Variants in OSBPL3 observed in about 807,000 individuals in gnomAD.
OSBPL3 encodes oxysterol binding protein like 3.
In OSBPL3, 65 loss-of-function variants were observed where a neutral mutation model predicts 120.1. That is an observed-to-expected ratio of 0.54 (90% CI 0.44 to 0.67). The LOEUF is 0.67. OSBPL3 is among the 30% of genes least tolerant of loss of function. The pLI is 0.00. For synonymous variants in OSBPL3, 416 were observed against 402.6 expected (o/e 1.03, Z -0.40); for missense variants, 1,004 against 1,082.1 (o/e 0.93, Z 1.01).
chr7:24,810,047 A>G (rs763631212), intron 19 of OSBPL3, 96 bp from the exon 20 acceptor site: 120 of 1,366,044 alleles, frequency 8.8e-5, no homozygotes, highest in Non-Finnish European at 3.7e-5. Context: ...AAGGACTGTA[A>G]GAGTGGCTCC....
intron 12 of OSBPL3, among the ~76,000 whole-genome samples, chr7:24,845,465 G>GTGTA (rs1457040681): frequency 3.0e-4 from 41 of 135,624 alleles, no homozygotes; most frequent in African/African-American, 1.2e-3. Flanking sequence ...GTGTGTATGT[G>GTGTA]TGTGTGTGTG....
chr7:24,958,732 A>C (rs1184602064), intron 1 of OSBPL3, among the ~76,000 whole-genome samples: 1 of 152,178 alleles, frequency 6.6e-6, no homozygotes, highest in Non-Finnish European at 1.5e-5. Context: ...CACTCAATTA[A>C]TGTGGCATGG....
chr7:24,881,690 T>G lies in OSBPL3; in HGVS notation c.97-9621A>C, dbSNP rs958995868. Among the ~76,000 whole-genome samples the G allele has an allele frequency of 1.3e-5, 2 of 152,180 alleles. No homozygotes were observed. Among genetic ancestry groups the G allele is most frequent in the African/African-American group, 4.8e-5 (2 of 41,440 alleles). On this transcript the variant is annotated intron_variant, in intron 2 of 22. Transcript: ENST00000313367. This position sits in a 1 kb window ranked among gnomAD's most constrained non-coding sequence, Gnocchi z 4.3. Reference sequence around the variant, plus strand: ...GGTGTCTTAGATTCCTGAGGCCAACTTGATGAGCAGTCACAAACTTTGGTG... The same window carrying G: ...GGTGTCTTAGATTCCTGAGGCCAACGTGATGAGCAGTCACAAACTTTGGTG...
intron 2 of OSBPL3, among the ~76,000 whole-genome samples, chr7:24,885,054 G>C (rs372025430): frequency 6.6e-5 from 10 of 151,898 alleles, no homozygotes; most frequent in African/African-American, 2.4e-4. Flanking sequence ...TAGGCCGAAG[G>C]GGGTGGATCA....
rs552179907 is a variant in OSBPL3, at chr7:24,965,102, A to G, written c.-150+14784T>C. Reference sequence around the variant, plus strand: ...TGGAAACCATTCATTCATTTATTCAACAATAAGTATGTGCTCTGTATTATG... The same window carrying G: ...TGGAAACCATTCATTCATTTATTCAGCAATAAGTATGTGCTCTGTATTATG... On this transcript the variant is annotated intron_variant, in intron 1 of 22. Transcript: ENST00000313367. The surrounding 1 kb of genome is among the most constrained non-coding windows in gnomAD (Gnocchi z 4.3). 9.8e-5 allele frequency among the ~76,000 whole-genome samples: 15 copies of G among 152,358 alleles called. No homozygotes were observed. In the South Asian group the frequency reaches 3.1e-3, roughly 32 times the overall value.
intron 22 of OSBPL3, among the ~76,000 whole-genome samples, chr7:24,801,186 G>A (rs972832019): frequency 1.5e-5 from 2 of 137,602 alleles, no homozygotes; most frequent in Middle Eastern, 4.1e-3. Context: ...GGTTGCAGCA[G>A]AGAGCTAGGA....
At chr7:24,844,302 G>A (rs1468795457) in intron 12 of OSBPL3, among the ~76,000 whole-genome samples, 1 of 152,140 alleles carries the variant, frequency 6.6e-6, no homozygotes, top group East Asian at 1.9e-4. Context: ...CGCCACATAT[G>A]GCCCAGGATG....
intron 1 of OSBPL3, among the ~76,000 whole-genome samples, chr7:24,950,549 C>T (rs1220419760): frequency 6.6e-6 from 1 of 151,902 alleles, no homozygotes; most frequent in Non-Finnish European, 1.5e-5. Flanking sequence ...GGTGAAACCC[C>T]GTCTCTACTA....
intron 15 of OSBPL3, among the ~76,000 whole-genome samples, chr7:24,832,293 C>T (rs1278468153): frequency 1.3e-5 from 2 of 150,310 alleles, no homozygotes; most frequent in African/African-American, 2.5e-5. Flanking sequence ...GGGCAGATCA[C>T]GAGGTCAGGA....
At chr7:24,907,394 G>A (rs117192778) in intron 1 of OSBPL3, among the ~76,000 whole-genome samples, 1 of 152,188 alleles carries the variant, frequency 6.6e-6, no homozygotes, top group South Asian at 2.1e-4. Flanking sequence ...GAGTTGCTTC[G>A]TCATGTGAAA....
chr7:24,802,689 T>G lies in OSBPL3; in HGVS notation c.2567+1626A>C, dbSNP rs116690084. Among the ~76,000 whole-genome samples, 513 of 152,328 alleles carry G rather than the reference T, an allele frequency of 3.4e-3. 3 individuals are homozygous for G. The highest frequency in any genetic ancestry group is 0.012 in the African/African-American group (489 of 41,564). Reference sequence around the variant, plus strand: ...CAGTTTGGTTACCTACCATTTTTAATGATCCTAAAAAGTACTGTAATGAAC... The same window carrying G: ...CAGTTTGGTTACCTACCATTTTTAAGGATCCTAAAAAGTACTGTAATGAAC... On this transcript the variant is annotated intron_variant, in intron 22 of 22. Coordinates refer to ENST00000313367, the MANE Select transcript of OSBPL3 (RefSeq NM_015550.4). This position sits in a 1 kb window ranked among gnomAD's most constrained non-coding sequence, Gnocchi z 4.1.
intron 1 of OSBPL3, among the ~76,000 whole-genome samples, chr7:24,914,203 G>C (rs1396469748): frequency 1.3e-5 from 2 of 151,854 alleles, no homozygotes; most frequent in Non-Finnish European, 2.9e-5. Flanking sequence ...CTTAAGGCTG[G>C]AATGAACCCC....
chr7:24,960,485 A>G (rs373803046), intron 1 of OSBPL3, among the ~76,000 whole-genome samples: 2 of 152,162 alleles, frequency 1.3e-5, no homozygotes, highest in Non-Finnish European at 2.9e-5. Flanking sequence ...CAATATATCG[A>G]AAACTCAATT....
rs75222859 is a variant in OSBPL3 at position 24,965,926 on chromosome 7, T to C, written c.-150+13960A>G. ...TTTAGAACCACTTCCCTCAAGGGTG[T>C]GTCCCATTCATGTGGCCCCACCCCT... On this transcript the variant is annotated intron_variant, in intron 1 of 22. Coordinates refer to ENST00000313367, the MANE Select transcript of OSBPL3 (RefSeq NM_015550.4). The surrounding 1 kb of genome is among the most constrained non-coding windows in gnomAD (Gnocchi z 4.3). 1.0e-3 allele frequency among the ~76,000 whole-genome samples: 152 copies of C among 152,316 alleles called. 1 individual carries two copies. The East Asian group carries it at 0.011, about 11-fold the overall frequency.
intron 1 of OSBPL3, among the ~76,000 whole-genome samples, chr7:24,904,907 C>A (rs550385100): frequency 4.5e-4 from 61 of 135,926 alleles, no homozygotes; most frequent in African/African-American, 1.6e-3. Context: ...GTGTTCTGAT[C>A]ATAATATACA....
chr7:24,905,616 G>A (rs763331170), intron 1 of OSBPL3, among the ~76,000 whole-genome samples: 16 of 152,304 alleles, frequency 1.1e-4, no homozygotes, highest in African/African-American at 3.6e-4. Flanking sequence ...AATAAGCTCC[G>A]TAGGACATTC....
Position 24,958,740 on chromosome 7 carries a change from T to G in OSBPL3, c.-150+21146A>C, listed in dbSNP as rs538728470. ...GCACATTCACTCAATTAATGTGGCA[T>G]GGAAGACTGAATTAAAAAGACTGCA... On this transcript the variant is annotated intron_variant, in intron 1 of 22. Transcript: ENST00000313367. Among the ~76,000 whole-genome samples the G allele has an allele frequency of 2.6e-5, 4 of 152,342 alleles. No homozygotes were observed. In the East Asian group the frequency reaches 5.8e-4, roughly 22 times the overall value.
chr7:24,869,758 C>A (rs1584448040), intron 5 of OSBPL3, among the ~76,000 whole-genome samples: 1 of 152,282 alleles, frequency 6.6e-6, no homozygotes, highest in Admixed American at 6.5e-5. Flanking sequence ...ACTGTCTTGC[C>A]CATTCAACAA....
At chr7:24,928,626 A>C (rs902671859) in intron 1 of OSBPL3, among the ~76,000 whole-genome samples, 2 of 152,190 alleles carry the variant, frequency 1.3e-5, no homozygotes, top group East Asian at 3.9e-4. Flanking sequence ...GCTTCAATCA[A>C]CACCTCAAAG....
Sources: allele counts gnomAD v4.1 joint callset (sites outside exome capture counted in the v4.1 genomes callset), GRCh38; gene constraint gnomAD v4.1.1; non-coding constraint Gnocchi (gnomAD v3.1); transcripts MANE v1.5; gene names NCBI Gene and HGNC (gene_info 2026-07-23, HGNC 2026-07-21).